Variants in KCNAB1 observed in about 807,000 individuals in gnomAD.
KCNAB1 encodes the protein voltage-gated potassium channel subunit beta-1.
KCNAB1 carries 35 observed loss-of-function variants against 64.6 expected under a neutral mutation model. The ratio of observed to expected loss-of-function variants is 0.54; its 90% CI spans 0.41 to 0.72. KCNAB1 has a LOEUF of 0.72. Among genes scored for constraint, KCNAB1 ranks in the 30% least tolerant of loss-of-function variants. KCNAB1 has a pLI of 0.00. For missense variants in KCNAB1, 401 were observed against 512.9 expected (o/e 0.78, Z 2.11); for synonymous variants, 177 against 183.8 (o/e 0.96, Z 0.30).
chr3:156,354,142 A>G (rs13081880), intron 1 of KCNAB1, among the ~76,000 whole-genome samples: 17,333 of 123,076 alleles, frequency 0.14, 2,217 homozygotes, highest in African/African-American at 0.36. Flanking sequence ...ATATATATAT[A>G]TGTGTATATA....
At chr3:156,135,374 C>T (rs1714280786) in intron 1 of KCNAB1, among the ~76,000 whole-genome samples, 1 of 152,110 alleles carries the variant, frequency 6.6e-6, no homozygotes, top group Non-Finnish European at 1.5e-5. Flanking sequence ...AATCATGCAA[C>T]TATTAGGCTG....
At chr3:156,241,364 A>G (rs1288723857) in intron 1 of KCNAB1, among the ~76,000 whole-genome samples, 1 of 152,134 alleles carries the variant, frequency 6.6e-6, no homozygotes, top group East Asian at 1.9e-4. Context: ...GCCAGCTCTA[A>G]TTTCTTTTTC....
chr3:156,181,931 A>C (rs770791295), intron 1 of KCNAB1, among the ~76,000 whole-genome samples: 2 of 152,200 alleles, frequency 1.3e-5, no homozygotes, highest in African/African-American at 2.4e-5. Context: ...GGAGTATATA[A>C]AAGATTATTA....
intron 1 of KCNAB1, among the ~76,000 whole-genome samples, chr3:156,125,602 T>C (rs1454892996): frequency 6.6e-6 from 1 of 152,246 alleles, no homozygotes; most frequent in African/African-American, 2.4e-5. Flanking sequence ...ATTTTGATAC[T>C]GATTTTGACC....
chr3:156,435,349 G>A (rs992862707), intron 2 of KCNAB1, among the ~76,000 whole-genome samples: 7 of 152,206 alleles, frequency 4.6e-5, no homozygotes, highest in Admixed American at 2.6e-4. Context: ...TGCACACATT[G>A]GAGAAAACTG....
chr3:156,180,507 G>A (rs540440344), intron 1 of KCNAB1, among the ~76,000 whole-genome samples: 1 of 152,086 alleles, frequency 6.6e-6, no homozygotes, highest in African/African-American at 2.4e-5. Context: ...GGTACCTGGA[G>A]AATACCAAAA....
At chr3:156,421,759 TGAG>T in intron 2 of KCNAB1, 100 bp downstream of exon 2, 1 of 992,876 alleles carries the variant, frequency 1.0e-6, no homozygotes, top group East Asian at 2.4e-5. Context: ...TGGTCTCAGA[TGAG>T]GAGGAGGCTT....
intron 1 of KCNAB1, among the ~76,000 whole-genome samples, chr3:156,190,431 A>T (rs946155804): frequency 6.6e-6 from 1 of 152,148 alleles, no homozygotes; most frequent in African/African-American, 2.4e-5. Flanking sequence ...CAAAAGTAGA[A>T]AAAAAAAGAA....
chr3:156,271,886 T>G (rs1719058701), intron 1 of KCNAB1, among the ~76,000 whole-genome samples: 1 of 152,240 alleles, frequency 6.6e-6, no homozygotes, highest in Non-Finnish European at 1.5e-5. Context: ...GATCTAAGTT[T>G]GTGGTCACTG....
chr3:156,344,199 T>C (rs1724326009), intron 1 of KCNAB1, among the ~76,000 whole-genome samples: 1 of 152,128 alleles, frequency 6.6e-6, no homozygotes, highest in Admixed American at 6.5e-5. Context: ...TCCTAAAGGA[T>C]CTATTAGGAT....
At position 156,514,405 on chromosome 3, in the gene KCNAB1, G is replaced by A; in HGVS notation, c.700G>A (p.Ala234Thr). 10 of 1,614,104 alleles carry A rather than the reference G, an allele frequency of 6.2e-6. No homozygotes were observed. The highest frequency in any genetic ancestry group is 7.6e-6 in the Non-Finnish European group (9 of 1,179,972). The change falls in exon 9 of 14, where the codon GCG (alanine) becomes ACG (threonine). Residue 234 changes from alanine to threonine, a missense_variant. By Grantham distance (58) the Ala-to-Thr change is moderately conservative (BLOSUM62 0). Coordinates refer to ENST00000490337, the MANE Select transcript of KCNAB1 (RefSeq NM_172160.3). The part of the protein sequence containing the change: ...AMTHVINQGM[A>T]MYWGTSRWSA... ...GACACATGTGATAAACCAAGGCATGGCGATGTACTGGGGCACCTCGAGATG... is the reference window on the plus strand; with the variant it reads ...GACACATGTGATAAACCAAGGCATGACGATGTACTGGGGCACCTCGAGATG...
At chr3:156,282,571 A>G (rs1323459598) in intron 1 of KCNAB1, among the ~76,000 whole-genome samples, 2,258 of 143,080 alleles carry the variant, frequency 0.016, 46 homozygotes, top group Non-Finnish European at 0.019. Context: ...TGGGGTGTTA[A>G]AGTCTCCCAT....
chr3:156,295,401 A>G (rs1576688844), intron 1 of KCNAB1, among the ~76,000 whole-genome samples: 1 of 152,188 alleles, frequency 6.6e-6, no homozygotes, highest in Non-Finnish European at 1.5e-5. Context: ...AACTAATATA[A>G]CAGCCTATGT....
chr3:156,291,928 C>T (rs1284942295), intron 1 of KCNAB1: 4 of 1,614,070 alleles, frequency 2.5e-6, no homozygotes, highest in Admixed American at 1.7e-5. Flanking sequence ...CCATAGCCTG[C>T]ACAGAGCACA....
chr3:156,121,471 C>T (rs536676148), intron 1 of KCNAB1, among the ~76,000 whole-genome samples: 2 of 152,290 alleles, frequency 1.3e-5, no homozygotes, highest in South Asian at 4.1e-4. Flanking sequence ...TAAGGCAAAT[C>T]TCTATGGGTT....
At chr3:156,287,328 G>T in intron 1 of KCNAB1, among the ~76,000 whole-genome samples, 1 of 141,674 alleles carries the variant, frequency 7.1e-6, no homozygotes, top group Non-Finnish European at 1.5e-5. Context: ...TTGGCCCCGT[G>T]CAATGTTGCA....
chr3:156,218,090 G>C (rs959068088), intron 1 of KCNAB1: 5 of 152,298 alleles, frequency 3.3e-5, no homozygotes, highest in Admixed American at 3.3e-4. Flanking sequence ...GGAGGCTCGT[G>C]GTCTGGGGCA....
intron 1 of KCNAB1, among the ~76,000 whole-genome samples, chr3:156,155,548 G>A (rs1339543891): frequency 1.3e-5 from 2 of 152,130 alleles, no homozygotes; most frequent in Admixed American, 6.5e-5. Flanking sequence ...CCTGAAGGAG[G>A]TAGAAATGAC....
At chr3:156,528,053 G>A (rs1718446781) in intron 12 of KCNAB1, among the ~76,000 whole-genome samples, 1 of 152,128 alleles carries the variant, frequency 6.6e-6, no homozygotes, top group Non-Finnish European at 1.5e-5. Context: ...GGAATCAGCT[G>A]TTGGTGACCT....
Sources: allele counts gnomAD v4.1 joint callset (sites outside exome capture counted in the v4.1 genomes callset), GRCh38; gene constraint gnomAD v4.1.1; transcripts MANE v1.5; gene names NCBI Gene and HGNC (gene_info 2026-07-23, HGNC 2026-07-21).